GSE1: variants seen among roughly 807,000 people sequenced by gnomAD.
GSE1 encodes the protein genetic suppressor element 1.
Under a neutral mutation model 112.6 loss-of-function variants are expected in GSE1, and 32 were observed. The observed-to-expected ratio is 0.28, with a 90% confidence interval of 0.21 to 0.38. The LOEUF (loss-of-function observed/expected upper bound fraction) is 0.38. Among genes scored for constraint, GSE1 ranks in the 10% least tolerant of loss-of-function variants. GSE1 has a pLI of 1.00. For synonymous variants in GSE1, 1,115 were observed against 735.6 expected, an observed-to-expected ratio of 1.52 and a Z score of -8.35; for missense variants, 2,348 against 1,699.2, an observed-to-expected ratio of 1.38 and a Z score of -6.71.
intron 2 of GSE1, among the ~76,000 whole-genome samples, chr16:85,507,315 G>C (rs118034134): frequency 0.017 from 2,575 of 152,256 alleles, 37 homozygotes; most frequent in Middle Eastern, 0.031. Flanking sequence ...GAAACTGAGC[G>C]GGGGGCTGTG....
chr16:85,409,229 T>C (rs878950072), intron 2 of GSE1, among the ~76,000 whole-genome samples: 12 of 37,812 alleles, frequency 3.2e-4, no homozygotes, highest in Non-Finnish European at 5.8e-4. Flanking sequence ...TAATCCTCAC[T>C]GTTACTCTCA....
chr16:85,472,937 G>C (rs151237568), intron 2 of GSE1, among the ~76,000 whole-genome samples: 4 of 152,238 alleles, frequency 2.6e-5, no homozygotes, highest in Non-Finnish European at 5.9e-5. Flanking sequence ...CTCACTCTAT[G>C]TGTGTCTGCA....
chr16:85,188,241 AGCAGTCAGCGGGCACCTGCT>A (rs2074748529), intron 1 of GSE1, among the ~76,000 whole-genome samples: 1 of 149,468 alleles, frequency 6.7e-6, no homozygotes, highest in Non-Finnish European at 1.5e-5. Flanking sequence ...GGCACTGGGC[AGCAGTCAGCGGGCACCTGCT>A]GCCTGACCGT....
intron 1 of GSE1, among the ~76,000 whole-genome samples, chr16:85,293,677 A>G (rs966770390): frequency 6.6e-6 from 1 of 152,138 alleles, no homozygotes; most frequent in African/African-American, 2.4e-5. Context: ...TAGAGTGGGA[A>G]TCTGTCCGGG....
At chr16:85,374,012 A>G (rs1228282833) in intron 2 of GSE1, among the ~76,000 whole-genome samples, 1 of 152,142 alleles carries the variant, frequency 6.6e-6, no homozygotes, top group Non-Finnish European at 1.5e-5. Context: ...CACATGTGTC[A>G]GGTTCACATG....
chr16:85,657,644 C>G (rs776496358), intron 8 of GSE1, 40 bp downstream of exon 8: 1 of 1,382,640 alleles, frequency 7.2e-7, no homozygotes, highest in Non-Finnish European at 9.7e-7. Flanking sequence ...TGAGCCTTCA[C>G]GTTCCGATTT....
chr16:85,418,868 G>A (rs748931017), intron 2 of GSE1, among the ~76,000 whole-genome samples: 11 of 152,136 alleles, frequency 7.2e-5, no homozygotes, highest in Non-Finnish European at 1.2e-4. Context: ...ATTTGCTGGC[G>A]GAGCAGAGGT....
intron 2 of GSE1, among the ~76,000 whole-genome samples, chr16:85,433,680 G>A (rs2049175451): frequency 6.6e-6 from 1 of 151,944 alleles, no homozygotes; most frequent in Non-Finnish European, 1.5e-5. Flanking sequence ...CATGGGATTG[G>A]ATGAGCAGAA....
At chr16:85,187,083 C>T (rs181644415) in intron 1 of GSE1, among the ~76,000 whole-genome samples, 6 of 152,298 alleles carry the variant, frequency 3.9e-5, no homozygotes, top group African/African-American at 1.4e-4. Flanking sequence ...GGGGAGTGGT[C>T]CTCCTTGAGG....
intron 2 of GSE1, among the ~76,000 whole-genome samples, chr16:85,534,270 C>T (rs950198379): frequency 1.3e-4 from 20 of 151,674 alleles, no homozygotes; most frequent in East Asian, 7.8e-4. Flanking sequence ...TACAGGTGTG[C>T]GCCACCACAC....
intron 1 of GSE1, among the ~76,000 whole-genome samples, chr16:85,176,385 G>C (rs1321476769): frequency 6.6e-6 from 1 of 152,246 alleles, no homozygotes; most frequent in Non-Finnish European, 1.5e-5. Context: ...CTTGCATGGG[G>C]CAGAGGCCCT....
At chr16:85,262,637 T>C (rs538366287) in intron 1 of GSE1, among the ~76,000 whole-genome samples, 9 of 152,288 alleles carry the variant, frequency 5.9e-5, no homozygotes, top group African/African-American at 2.2e-4. Context: ...GAGCCTGAAT[T>C]TGCCAACAGA....
Position 85,671,023 on chromosome 16 carries a change from G to C in GSE1, c.3444G>C (p.Gln1148His), listed in dbSNP as rs2053285448. 1.2e-6 allele frequency: 2 copies of C among 1,611,806 alleles called. No homozygotes were observed. Among genetic ancestry groups the C allele is most frequent in the Non-Finnish European group, 1.7e-6 (2 of 1,178,110 alleles). ...EEQNLERQVL[Q>H]TQCRRLEARH... ...AAAATCTGGAGCGGCAGGTGTTACAGACACAATGTAGACGACTGGAGGCCC... is the reference window on the plus strand; with the variant it reads ...AAAATCTGGAGCGGCAGGTGTTACACACACAATGTAGACGACTGGAGGCCC... The change falls in exon 15 of 16, where the codon CAG becomes CAC. Residue 1148 changes from glutamine (Q) to histidine (H), a missense_variant. By Grantham distance (24) the Gln-to-His change is conservative. Coordinates refer to ENST00000253458, the MANE Select transcript of GSE1 (RefSeq NM_014615.5).
intron 1 of GSE1, among the ~76,000 whole-genome samples, chr16:85,570,193 G>C (rs928382485): frequency 1.3e-5 from 2 of 152,224 alleles, no homozygotes; most frequent in African/African-American, 4.8e-5. Context: ...AAGGTGGGGG[G>C]AGTTCTGGAT....
intron 1 of GSE1, among the ~76,000 whole-genome samples, chr16:85,561,393 C>A (rs2045514515): frequency 6.6e-6 from 1 of 152,162 alleles, no homozygotes; most frequent in East Asian, 1.9e-4. Flanking sequence ...TGGGAGCTGG[C>A]CGCTGGCGTT....
chr16:85,589,291 G>A (rs1403656789), intron 1 of GSE1, among the ~76,000 whole-genome samples: 2 of 152,192 alleles, frequency 1.3e-5, no homozygotes, highest in Non-Finnish European at 2.9e-5. Flanking sequence ...TGGCTTCTAG[G>A]TCGGGCAGGG....
chr16:85,371,585 C>A (rs756157678), intron 2 of GSE1, among the ~76,000 whole-genome samples: 4 of 152,192 alleles, frequency 2.6e-5, no homozygotes, highest in Non-Finnish European at 5.9e-5. Flanking sequence ...CCACAGCTGA[C>A]AGCCTTCTGG....
chr16:85,256,686 C>G (rs747025414), intron 1 of GSE1, among the ~76,000 whole-genome samples: 1 of 152,276 alleles, frequency 6.6e-6, no homozygotes, highest in Non-Finnish European at 1.5e-5. Context: ...CATGTCTGTC[C>G]CCGTCACGGG....
intron 1 of GSE1, among the ~76,000 whole-genome samples, chr16:85,293,760 A>C (rs1333959683): frequency 6.6e-6 from 1 of 152,108 alleles, no homozygotes; most frequent in East Asian, 1.9e-4. Context: ...CTCTCCGATC[A>C]CTGAACTTCA....
Sources: gnomAD v4.1 joint callset for allele counts (sites outside exome capture counted in the v4.1 genomes callset) on GRCh38, gnomAD v4.1.1 for gene constraint, MANE v1.5 for transcripts, NCBI Gene and HGNC (gene_info 2026-07-23, HGNC 2026-07-21) for gene names.